Variants in EPHA5 observed in about 807,000 individuals in gnomAD.
EPHA5 encodes the protein ephrin type-A receptor 5.
A neutral mutation model predicts 105.0 loss-of-function variants in EPHA5; 60 were observed. The observed-to-expected ratio is 0.57, with a 90% CI of 0.46 to 0.71. EPHA5 has a LOEUF of 0.71. Ranked by LOEUF, EPHA5 falls within the 30% of genes least tolerant of loss-of-function variation. The pLI is 0.00. For missense variants in EPHA5, 1,218 were observed against 1,274.7 expected (o/e 0.96, Z 0.68); for synonymous variants, 513 against 449.1 (o/e 1.14, Z -1.80).
intron 3 of EPHA5, among the ~76,000 whole-genome samples, chr4:65,576,058 GAAAAGAAAAGAAAAGAA>G (rs1279223279): frequency 9.8e-5 from 5 of 50,816 alleles, no homozygotes; most frequent in African/African-American, 4.2e-4. Flanking sequence ...AAGAAAGAAA[GAAAAGAAAAGAAAAGAA>G]AAGAAAAGAA....
At chr4:65,464,592 A>C (rs915907002) in intron 5 of EPHA5, among the ~76,000 whole-genome samples, 2 of 152,142 alleles carry the variant, frequency 1.3e-5, no homozygotes, top group African/African-American at 4.8e-5. Flanking sequence ...ATGATAAAGC[A>C]CATTTATTAA....
At chr4:65,418,709 T>G (rs1022164276) in intron 6 of EPHA5, among the ~76,000 whole-genome samples, 3 of 151,958 alleles carry the variant, frequency 2.0e-5, no homozygotes, top group Non-Finnish European at 4.4e-5. Context: ...AACCTGTAAA[T>G]ATGTAGATAG....
intron 11 of EPHA5, among the ~76,000 whole-genome samples, chr4:65,355,177 C>T (rs1723184612): frequency 6.6e-6 from 1 of 151,454 alleles, no homozygotes; most frequent in Admixed American, 6.6e-5. Flanking sequence ...CAAGAAAGAG[C>T]CCATGAAGTT....
At chr4:65,568,016 T>A (rs978036288) in intron 3 of EPHA5, among the ~76,000 whole-genome samples, 6 of 151,468 alleles carry the variant, frequency 4.0e-5, no homozygotes, top group Non-Finnish European at 8.9e-5. Context: ...TATTCATGAA[T>A]AATAGAAATT....
chr4:65,570,824 C>A (rs1184436398), intron 3 of EPHA5, among the ~76,000 whole-genome samples: 1 of 151,904 alleles, frequency 6.6e-6, no homozygotes. Flanking sequence ...CAATAAAAAT[C>A]TTAATATATA....
At chr4:65,354,120 C>T (rs1723083697) in intron 11 of EPHA5, among the ~76,000 whole-genome samples, 1 of 151,706 alleles carries the variant, frequency 6.6e-6, no homozygotes, top group Non-Finnish European at 1.5e-5. Flanking sequence ...GCGCCTACCT[C>T]ATAGGGTTGT....
At chr4:65,376,953 A>G in intron 8 of EPHA5, 2 of 1,532,602 alleles carry the variant, frequency 1.3e-6, no homozygotes, top group Non-Finnish European at 8.9e-7. Context: ...GGTAATACAT[A>G]TAGGTGGACA....
chr4:65,422,067 G>GTT (rs1723998509), intron 5 of EPHA5, among the ~76,000 whole-genome samples: 1 of 152,102 alleles, frequency 6.6e-6, no homozygotes, highest in Non-Finnish European at 1.5e-5. Flanking sequence ...ATTAATCAAA[G>GTT]TTAAGCATAA....
Position 65,401,659 on chromosome 4 carries a change from G to T in EPHA5, c.1793+2715C>A, listed in dbSNP as rs78650546. Reference sequence around the variant, plus strand: ...ATGTTGTGAAATTAAATTGGATTAGGAAAGAATTTTAATATGAATGAACAA... The same window carrying T: ...ATGTTGTGAAATTAAATTGGATTAGTAAAGAATTTTAATATGAATGAACAA... On this transcript the variant is annotated intron_variant, in intron 8 of 16. Coordinates refer to ENST00000613740, the MANE Select transcript of EPHA5 (RefSeq NM_001281766.3). Among the ~76,000 whole-genome samples, 52 of 152,154 alleles carry T rather than the reference G, an allele frequency of 3.4e-4. 1 individual carries two copies. In the East Asian group the frequency reaches 9.5e-3, roughly 28 times the overall value.
At chr4:65,656,865 C>A (rs891801384) in intron 1 of EPHA5, among the ~76,000 whole-genome samples, 1 of 150,620 alleles carries the variant, frequency 6.6e-6, no homozygotes, top group South Asian at 2.1e-4. Context: ...ATTCAAAGAA[C>A]TTTTATAGAT....
chr4:65,412,845 A>G (rs1377297181), intron 7 of EPHA5, among the ~76,000 whole-genome samples: 2 of 152,178 alleles, frequency 1.3e-5, no homozygotes, highest in Non-Finnish European at 2.9e-5. Flanking sequence ...AAGAAAAACC[A>G]GTTGCTGAAT....
intron 5 of EPHA5, among the ~76,000 whole-genome samples, chr4:65,440,966 C>T (rs1050273492): frequency 4.6e-5 from 7 of 152,042 alleles, no homozygotes; most frequent in Non-Finnish European, 1.0e-4. Context: ...CTGCCCTAGG[C>T]TTGTGTTAAT....
At chr4:65,456,692 G>T (rs1481121693) in intron 5 of EPHA5, among the ~76,000 whole-genome samples, 2 of 149,022 alleles carry the variant, frequency 1.3e-5, no homozygotes, top group African/African-American at 2.5e-5. Context: ...GATATCAGTT[G>T]TAAGTGGAAA....
rs185613714 is a variant in EPHA5, at chr4:65,357,649, G to T, written c.2174-4546C>A. 1.8e-3 allele frequency among the ~76,000 whole-genome samples: 270 copies of T among 151,478 alleles called. 1 individual carries two copies. The highest frequency in any genetic ancestry group is 6.3e-3 in the African/African-American group (261 of 41,436). On this transcript the variant is annotated intron_variant, in intron 11 of 16. Coordinates refer to ENST00000613740, the MANE Select transcript of EPHA5 (RefSeq NM_001281766.3). ...AACCCACAGAAGCAGAAAGTAGAAA[G>T]GTAGTTTCCAGGAGCTGTGGGAACA...
At chr4:65,380,564 G>T (rs1719454820) in intron 8 of EPHA5, among the ~76,000 whole-genome samples, 1 of 151,680 alleles carries the variant, frequency 6.6e-6, no homozygotes, top group African/African-American at 2.4e-5. Context: ...AGAGATCATA[G>T]AATTGGATAA....
intron 3 of EPHA5, among the ~76,000 whole-genome samples, chr4:65,533,332 AT>A (rs1170373152): frequency 1.3e-5 from 2 of 152,040 alleles, no homozygotes; most frequent in East Asian, 1.9e-4. Context: ...TTATAAAACC[AT>A]TTTTTTGTGC....
chr4:65,414,150 C>T, intron 7 of EPHA5, 134 bp downstream of exon 7: 1 of 767,416 alleles, frequency 1.3e-6, no homozygotes, highest in East Asian at 2.6e-5. Context: ...ATGCTTCCTA[C>T]CTGAAGGGGT....
chr4:65,424,863 T>G (rs1724270671), intron 5 of EPHA5, among the ~76,000 whole-genome samples: 1 of 152,228 alleles, frequency 6.6e-6, no homozygotes, highest in Middle Eastern at 3.4e-3. Flanking sequence ...ACATTGATAG[T>G]TACACTTAGT....
chr4:65,356,036 A>G (rs1433987856), intron 11 of EPHA5, among the ~76,000 whole-genome samples: 1 of 151,536 alleles, frequency 6.6e-6, no homozygotes, highest in Non-Finnish European at 1.5e-5. Context: ...ACTGAATTCC[A>G]GCAAACATCT....
Sources: allele counts gnomAD v4.1 joint callset (sites outside exome capture counted in the v4.1 genomes callset), GRCh38; gene constraint gnomAD v4.1.1; transcripts MANE v1.5; gene names NCBI Gene and HGNC (gene_info 2026-07-23, HGNC 2026-07-21).